Variants in POTEJ observed in about 807,000 individuals in gnomAD.
POTEJ encodes the protein POTE ankyrin domain family member J, also known as POTE ankyrin domain family, member J.
POTEJ carries 11 observed loss-of-function variants against 69.0 expected under a neutral mutation model. That is an observed-to-expected ratio of 0.16 (90% CI 0.10 to 0.26). The LOEUF is 0.26. POTEJ is among the 10% of genes least tolerant of loss of function. POTEJ has a pLI of 1.00. For synonymous variants in POTEJ, 117 were observed against 381.1 expected (o/e 0.31, Z 8.07); for missense variants, 327 against 1,045.5 (o/e 0.31, Z 9.48).
rs539350927 is a variant in POTEJ, at chr2:130,634,931, T to C, written c.1298+2275T>C. 2.1e-3 allele frequency among the ~76,000 whole-genome samples: 321 copies of C among 152,138 alleles called. 1 individual carries two copies. The highest frequency in any genetic ancestry group is 7.3e-3 in the African/African-American group (303 of 41,330). ...TATCACAATTTTTTTCTGTAAATTATGCATTTTTTCTTACACCTCATTTTA... is the reference window on the plus strand; with the variant it reads ...TATCACAATTTTTTTCTGTAAATTACGCATTTTTTCTTACACCTCATTTTA... On this transcript the variant is annotated intron_variant, in intron 9 of 14. Coordinates refer to ENST00000409602, the MANE Select transcript of POTEJ (RefSeq NM_001277083.2).
At chr2:130,638,309 C>G (rs1387387587) in intron 9 of POTEJ, among the ~76,000 whole-genome samples, 2 of 151,646 alleles carry the variant, frequency 1.3e-5, no homozygotes, top group Non-Finnish European at 3.0e-5. Context: ...TGTTCAAGAG[C>G]AAATAGCTGT....
chr2:130,634,927 A>G (rs1170649561), intron 9 of POTEJ, among the ~76,000 whole-genome samples: 14 of 152,226 alleles, frequency 9.2e-5, no homozygotes, highest in African/African-American at 3.4e-4. Context: ...TTTTCTGTAA[A>G]TTATGCATTT....
At chr2:130,624,818 C>T (rs1685644343) in intron 6 of POTEJ, among the ~76,000 whole-genome samples, 2 of 152,110 alleles carry the variant, frequency 1.3e-5, no homozygotes, top group African/African-American at 2.4e-5. Context: ...GACTTCATTC[C>T]TCCTCATTTG....
chr2:130,613,634 C>G lies in POTEJ; in HGVS notation c.410+1692C>G, dbSNP rs537612795. 2.2e-5 allele frequency among the ~76,000 whole-genome samples: 3 copies of G among 138,416 alleles called. 1 individual carries two copies. Among genetic ancestry groups the G allele is most frequent in the Non-Finnish European group, 4.6e-5 (3 of 65,544 alleles). 90.8% of individuals were successfully genotyped at this position (138,416 alleles called of 152,430 possible). ...GCCAGGCAGGTCTTGAACTCCTGTC[C>G]TCGTGATCCACCCACTTTGGCCTCC... On this transcript the variant is annotated intron_variant, in intron 1 of 14. Transcript: ENST00000409602.
At chr2:130,637,561 T>C (rs1414448189) in intron 9 of POTEJ, among the ~76,000 whole-genome samples, 2 of 152,150 alleles carry the variant, frequency 1.3e-5, no homozygotes, top group South Asian at 2.1e-4. Context: ...CAAAGCAGAA[T>C]GGGTGCCACA....
intron 6 of POTEJ, among the ~76,000 whole-genome samples, chr2:130,628,807 G>C (rs1354863457): frequency 7.3e-5 from 11 of 149,902 alleles, no homozygotes; most frequent in Admixed American, 5.9e-4. Context: ...AGATCACAAG[G>C]TCAAAAGATC....
chr2:130,640,375 A>G (rs1686302971), intron 10 of POTEJ, among the ~76,000 whole-genome samples: 1 of 146,836 alleles, frequency 6.8e-6, no homozygotes, highest in African/African-American at 2.6e-5. Flanking sequence ...ACTTTTTAAT[A>G]CTATAGAAAT....
chr2:130,637,821 G>A (rs1337443607), intron 9 of POTEJ, among the ~76,000 whole-genome samples: 1 of 151,428 alleles, frequency 6.6e-6, no homozygotes, highest in East Asian at 1.9e-4. Flanking sequence ...CAAACATCTG[G>A]CTGAGAGTTT....
chr2:130,624,296 T>C (rs2105208947), intron 6 of POTEJ, among the ~76,000 whole-genome samples, 162 bp downstream of exon 6: 1 of 141,574 alleles, frequency 7.1e-6, no homozygotes. Context: ...TTTATATTAT[T>C]ATCACATTGT....
chr2:130,648,230 CATTTCTAAAT>C (rs1443382946), intron 13 of POTEJ, among the ~76,000 whole-genome samples: 2 of 146,444 alleles, frequency 1.4e-5, no homozygotes, highest in Non-Finnish European at 3.0e-5. Flanking sequence ...CTTGGTCTGA[CATTTCTAAAT>C]GCCATATGTG....
Position 130,647,025 on chromosome 2 carries a change from A to G in POTEJ, c.1667+715A>G, listed in dbSNP as rs563341983. ...AGATATGTTATATGTATACTTATGTATAAGGACATTTATTATAGTATTATT... is the reference window on the plus strand; with the variant it reads ...AGATATGTTATATGTATACTTATGTGTAAGGACATTTATTATAGTATTATT... On this transcript the variant is annotated intron_variant, in intron 13 of 14. Coordinates refer to ENST00000409602, the MANE Select transcript of POTEJ (RefSeq NM_001277083.2). Among the ~76,000 whole-genome samples, 10 of 150,368 alleles carry G rather than the reference A, an allele frequency of 6.7e-5. No individual in the cohort carries two copies. In the East Asian group the frequency reaches 1.7e-3, roughly 26 times the overall value.
chr2:130,631,505 T>G, intron 8 of POTEJ, 52 bp downstream of exon 8: 1 of 367,028 alleles, frequency 2.7e-6, no homozygotes, highest in East Asian at 3.9e-5. Context: ...TACATTATGT[T>G]GTTTAACAAA....
In POTEJ at chr2:130,657,513, T is replaced by C; in HGVS notation, c.2753T>C (p.Phe918Ser). Reference protein sequence around the residue: ...GQVITISNEWFRCPEALFQPC... With the variant: ...GQVITISNEWSRCPEALFQPC... The stretch of plus-strand genomic sequence containing the variant: ...GTCATCACCATCAGCAACGAGTGGT[T>C]CCGCTGCCCCGAGGCGCTCTTCCAG... The change falls in exon 15 of 15, where the codon TTC (phenylalanine) becomes TCC (serine). Residue 918 changes from phenylalanine to serine, a missense_variant. Coordinates refer to ENST00000409602, the MANE Select transcript of POTEJ (RefSeq NM_001277083.2). The C allele has an allele frequency of 6.4e-7, 1 of 1,569,038 alleles. No homozygotes were observed. Among genetic ancestry groups the C allele is most frequent in the South Asian group, 1.1e-5 (1 of 90,420 alleles).
intron 10 of POTEJ, among the ~76,000 whole-genome samples, chr2:130,639,008 C>T (rs1410876406): frequency 3.3e-5 from 5 of 152,242 alleles, no homozygotes; most frequent in African/African-American, 1.2e-4. Flanking sequence ...ATAGGAAGCA[C>T]ACAACCTAGA....
At chr2:130,635,830 C>T (rs1474306026) in intron 9 of POTEJ, among the ~76,000 whole-genome samples, 2 of 129,026 alleles carry the variant, frequency 1.6e-5, no homozygotes, top group Non-Finnish European at 3.1e-5. Flanking sequence ...TCTTGTACAT[C>T]TGAGCCACTG....
At chr2:130,632,875 G>A (rs1317001350) in intron 9 of POTEJ, among the ~76,000 whole-genome samples, 1 of 145,660 alleles carries the variant, frequency 6.9e-6, no homozygotes, top group African/African-American at 2.7e-5. Context: ...GAGGGAAAAG[G>A]CATTTTCTTT....
chr2:130,644,437 C>A (rs1216313771), intron 11 of POTEJ, among the ~76,000 whole-genome samples: 1 of 151,962 alleles, frequency 6.6e-6, no homozygotes, highest in East Asian at 1.9e-4. Flanking sequence ...CCACTACACT[C>A]CAGCCTGGGT....
intron 10 of POTEJ, among the ~76,000 whole-genome samples, chr2:130,641,154 A>T (rs1220792726): frequency 2.6e-5 from 4 of 152,074 alleles, no homozygotes; most frequent in Admixed American, 1.3e-4. Context: ...TATTTACAAA[A>T]CCATAATGCA....
chr2:130,641,790 C>T (rs1383951841), intron 10 of POTEJ, among the ~76,000 whole-genome samples: 1 of 152,198 alleles, frequency 6.6e-6, no homozygotes, highest in Non-Finnish European at 1.5e-5. Context: ...TTATAACTCA[C>T]ATCCTACTAG....
Sources: gnomAD v4.1 joint callset for allele counts (sites outside exome capture counted in the v4.1 genomes callset) on GRCh38, gnomAD v4.1.1 for gene constraint, MANE v1.5 for transcripts, NCBI Gene and HGNC (gene_info 2026-07-23, HGNC 2026-07-21) for gene names.